The following STEAP3 variants were observed in gnomAD, a reference collection of about 807,000 sequenced individuals.
STEAP3 encodes STEAP3 metalloreductase, also known as metalloreductase STEAP3.
Under a neutral mutation model 34.9 loss-of-function variants are expected in STEAP3, and 35 were observed. That is an observed-to-expected ratio of 1.00 (90% CI 0.76 to 1.33). The LOEUF (loss-of-function observed/expected upper bound fraction) is 1.33, where lower values mean the gene tolerates loss of function less well. Ranked by LOEUF, STEAP3 falls within the 40% of genes most tolerant of loss-of-function variation. STEAP3 has a pLI of 0.00. For missense variants in STEAP3, 652 were observed against 667.6 expected, an observed-to-expected ratio of 0.98 and a Z score of 0.26; for synonymous variants, 281 against 301.6, an observed-to-expected ratio of 0.93 and a Z score of 0.71.
rs1196771941 is a variant in STEAP3, at chr2:119,245,638, G to T, written c.172G>T (p.Val58Leu). The change falls in exon 3 of 6, where the codon GTG (valine) becomes TTG (leucine). Residue 58 changes from valine to leucine, a missense_variant. By Grantham distance (32) the Val-to-Leu change is conservative. Transcript: ENST00000393110. ...TGCCCGCTCCCTGGCCACACGCCTG[G>T]TGGGCTCTGGCTTCAAAGTGGTGGT... The part of the protein sequence containing the change: ...DFARSLATRL[V>L]GSGFKVVVGS... 2 of 1,611,364 alleles carry T rather than the reference G, an allele frequency of 1.2e-6. No individual in the cohort carries two copies. Among genetic ancestry groups the T allele is most frequent in the African/African-American group, 1.3e-5 (1 of 75,016 alleles).
intron 2 of STEAP3, among the ~76,000 whole-genome samples, chr2:119,243,918 G>A (rs1677326670): frequency 6.6e-6 from 1 of 152,186 alleles, no homozygotes; most frequent in African/African-American, 2.4e-5. Context: ...AGTAGGAAGA[G>A]GCAGACGCCC....
intron 1 of STEAP3, among the ~76,000 whole-genome samples, chr2:119,227,199 A>C (rs1351375552): frequency 6.6e-6 from 1 of 152,132 alleles, no homozygotes; most frequent in Non-Finnish European, 1.5e-5. Context: ...GTGAGTGAGC[A>C]AGGATGCAAA....
intron 5 of STEAP3, among the ~76,000 whole-genome samples, chr2:119,258,860 G>A (rs1191573219): frequency 6.8e-6 from 1 of 147,592 alleles, no homozygotes; most frequent in Non-Finnish European, 1.5e-5. Flanking sequence ...CTGACCTCAT[G>A]ATCCGCCTGC....
In STEAP3 at chr2:119,263,184, T is replaced by C; in HGVS notation, c.1343T>C (p.Val448Ala). 1 of 1,614,178 alleles carries C rather than the reference T, an allele frequency of 6.2e-7. No homozygotes were observed. Among genetic ancestry groups the C allele is most frequent in the Non-Finnish European group, 8.5e-7 (1 of 1,180,044 alleles). Residue 448 changes from valine to alanine, a missense_variant, in exon 6 of 6, where the codon GTG (valine) becomes GCG (alanine). By Grantham distance (64) the Val-to-Ala change is moderately conservative. Coordinates refer to ENST00000393110, the MANE Select transcript of STEAP3 (RefSeq NM_182915.3). ...LPPTFTLTLL[V>A]PCVVILAKAL... ...CCCACCTTCACGCTCACGCTGCTGG[T>C]GCCCTGCGTCGTCATCCTGGCCAAA...
chr2:119,244,742 C>A (rs780663565), intron 2 of STEAP3: 2 of 152,106 alleles, frequency 1.3e-5, no homozygotes, highest in Non-Finnish European at 2.9e-5. Flanking sequence ...AGACCGATGG[C>A]CCGAGTTCAG....
intron 2 of STEAP3, among the ~76,000 whole-genome samples, chr2:119,232,795 C>A (rs1406641001): frequency 6.6e-6 from 1 of 151,962 alleles, no homozygotes; most frequent in South Asian, 2.1e-4. Context: ...GAGTAGGGCC[C>A]CCCACCACCT....
At chr2:119,262,667 C>CG (rs1263857617) in intron 5 of STEAP3, among the ~76,000 whole-genome samples, 1 of 152,184 alleles carries the variant, frequency 6.6e-6, no homozygotes, top group Non-Finnish European at 1.5e-5. Context: ...CGAGAGCCAC[C>CG]GCAGCAGGCC....
chr2:119,254,518 G>A, intron 4 of STEAP3, among the ~76,000 whole-genome samples, 166 bp from the exon 5 acceptor site: 1 of 152,162 alleles, frequency 6.6e-6, no homozygotes, highest in Non-Finnish European at 1.5e-5. Flanking sequence ...GGGTGGTTTT[G>A]AGGATTCGAT....
intron 2 of STEAP3, 50 bp from the exon 3 acceptor site, chr2:119,245,439 G>A: frequency 6.6e-7 from 1 of 1,522,052 alleles, no homozygotes; most frequent in South Asian, 1.3e-5. Context: ...GGTGGCAGAA[G>A]GGGCAGTCCA....
At chr2:119,234,765 A>G (rs1212475508) in intron 2 of STEAP3, among the ~76,000 whole-genome samples, 6 of 152,178 alleles carry the variant, frequency 3.9e-5, no homozygotes. Context: ...TACTATGTAA[A>G]TGGCACCTCC....
intron 5 of STEAP3, among the ~76,000 whole-genome samples, chr2:119,261,088 C>T (rs1346400519): frequency 6.6e-6 from 1 of 152,154 alleles, no homozygotes; most frequent in Admixed American, 6.5e-5. Context: ...TCTCCCACAC[C>T]ATGTTCTTTC....
intron 2 of STEAP3, among the ~76,000 whole-genome samples, chr2:119,244,104 C>A (rs759396290): frequency 2.0e-5 from 3 of 152,036 alleles, no homozygotes; most frequent in Non-Finnish European, 4.4e-5. Flanking sequence ...GGAAACACAG[C>A]GAAAATATTT....
chr2:119,244,572 G>A (rs1261857545), intron 2 of STEAP3: 2 of 152,006 alleles, frequency 1.3e-5, no homozygotes, highest in Non-Finnish European at 2.9e-5. Flanking sequence ...AATTTAAATG[G>A]TATTAGGATA....
chr2:119,231,004 G>A lies in STEAP3; in HGVS notation c.-9G>A, dbSNP rs776530339. 41 of 1,614,086 alleles carry A rather than the reference G, an allele frequency of 2.5e-5. No homozygotes were observed. Among genetic ancestry groups the A allele is most frequent in the Admixed American group, 5.0e-5 (3 of 60,008 alleles). On this transcript the variant is annotated 5_prime_UTR_variant, in exon 2 of 6. Coordinates refer to ENST00000393110, the MANE Select transcript of STEAP3 (RefSeq NM_182915.3). ...TGACCTGAGAGCCTCAGACCCTCAC[G>A]TCAGCCGGATGTCGCACCAGCCTGC...
intron 1 of STEAP3, among the ~76,000 whole-genome samples, chr2:119,228,966 G>A (rs1372081973): frequency 6.6e-6 from 1 of 152,146 alleles, no homozygotes; most frequent in African/African-American, 2.4e-5. Context: ...CTCAGGTGCG[G>A]TTTCCTCACA....
intron 2 of STEAP3, among the ~76,000 whole-genome samples, chr2:119,243,022 T>C (rs1484864607): frequency 6.6e-6 from 1 of 152,152 alleles, no homozygotes; most frequent in African/African-American, 2.4e-5. Flanking sequence ...ATTCACAGGG[T>C]GGCTGTGCCT....
chr2:119,243,389 C>T (rs570953835), intron 2 of STEAP3, among the ~76,000 whole-genome samples: 1 of 152,282 alleles, frequency 6.6e-6, no homozygotes, highest in South Asian at 2.1e-4. Flanking sequence ...GGCAGTAAGA[C>T]GGAGTGAGGC....
chr2:119,258,094 T>C (rs1291859697), intron 5 of STEAP3, among the ~76,000 whole-genome samples: 1 of 152,220 alleles, frequency 6.6e-6, no homozygotes, highest in Non-Finnish European at 1.5e-5. Flanking sequence ...AGGAAAGGGA[T>C]GGCAATTCCC....
intron 2 of STEAP3, among the ~76,000 whole-genome samples, chr2:119,236,684 A>T (rs923275311): frequency 6.6e-6 from 1 of 152,208 alleles, no homozygotes; most frequent in Non-Finnish European, 1.5e-5. Flanking sequence ...GCAGATCTGC[A>T]GCTGTGTGCA....
Sources: gnomAD v4.1 joint callset for allele counts (sites outside exome capture counted in the v4.1 genomes callset) on GRCh38, gnomAD v4.1.1 for gene constraint, MANE v1.5 for transcripts, NCBI Gene and HGNC (gene_info 2026-07-23, HGNC 2026-07-21) for gene names.